The following PRKACB variants were observed in gnomAD, a reference collection of about 807,000 sequenced individuals.
PRKACB encodes protein kinase cAMP-activated catalytic subunit beta.
Under a neutral mutation model 51.4 loss-of-function variants are expected in PRKACB, and 16 were observed. The ratio of observed to expected loss-of-function variants is 0.31; its 90% CI spans 0.21 to 0.47. The LOEUF (loss-of-function observed/expected upper bound fraction) is 0.47. PRKACB is among the 20% of genes least tolerant of loss of function. The pLI is 1.00. For synonymous variants in PRKACB, 147 were observed against 154.4 expected, an observed-to-expected ratio of 0.95 and a Z score of 0.35; for missense variants, 309 against 464.5, an observed-to-expected ratio of 0.67 and a Z score of 3.08.
At chr1:84,162,599 G>A (rs571864461) in intron 1 of PRKACB, among the ~76,000 whole-genome samples, 1 of 151,776 alleles carries the variant, frequency 6.6e-6, no homozygotes, top group Admixed American at 6.6e-5. Context: ...TAAAATTTTG[G>A]TTATTATACT....
chr1:84,185,031 G>A (rs1664685604), intron 4 of PRKACB, 69 bp from the exon 5 acceptor site: 3 of 895,016 alleles, frequency 3.4e-6, no homozygotes, highest in Admixed American at 2.8e-5. Context: ...TTCTAATTCA[G>A]CATTATATAA....
rs541219806 is a variant in PRKACB, at chr1:84,090,406, G to A, written c.46+12035G>A. On this transcript the variant is annotated intron_variant, in intron 1 of 8. Transcript: ENST00000370688. ...CCATCATGCAGGACTCCTAAATTTA[G>A]CAGCTTAAAGAGTGACAACATTTAT... 3.3e-5 allele frequency among the ~76,000 whole-genome samples: 5 copies of A among 152,238 alleles called. No homozygotes were observed. The East Asian group carries it at 9.6e-4, about 29-fold the overall frequency.
At chr1:84,082,592 T>G (rs1185497178) in intron 1 of PRKACB, among the ~76,000 whole-genome samples, 3 of 152,200 alleles carry the variant, frequency 2.0e-5, no homozygotes, top group African/African-American at 7.2e-5. Context: ...ATTACCATTT[T>G]AAAAGTATTG....
chr1:84,235,155 A>G (rs185089493), intron 9 of PRKACB, 25 bp from the exon 10 acceptor site: 1 of 1,567,974 alleles, frequency 6.4e-7, no homozygotes, highest in African/African-American at 1.4e-5. Context: ...CCTTTTTCTT[A>G]TTTTTCTCTC....
intron 8 of PRKACB, chr1:84,204,735 T>C (rs1429432852): frequency 4.5e-6 from 4 of 887,038 alleles, no homozygotes; most frequent in Middle Eastern, 4.4e-4. Context: ...CTTGAATCTT[T>C]ACTATATTAC....
chr1:84,190,897 T>C (rs1316955042), intron 5 of PRKACB, among the ~76,000 whole-genome samples: 1 of 152,106 alleles, frequency 6.6e-6, no homozygotes, highest in Non-Finnish European at 1.5e-5. Flanking sequence ...TCTTTCTCCA[T>C]CCCTTTACTT....
At chr1:84,231,728 T>C (rs955748783) in intron 9 of PRKACB, among the ~76,000 whole-genome samples, 1 of 152,110 alleles carries the variant, frequency 6.6e-6, no homozygotes, top group African/African-American at 2.4e-5. Context: ...TGTAGTATTC[T>C]CTGATGGTAG....
chr1:84,129,789 G>T (rs1314131999), intron 1 of PRKACB, among the ~76,000 whole-genome samples: 1 of 152,148 alleles, frequency 6.6e-6, no homozygotes, highest in African/African-American at 2.4e-5. Flanking sequence ...CAGGAAGATT[G>T]GAAAGGGAAA....
chr1:84,175,147 A>G (rs935636423), intron 1 of PRKACB: 4 of 1,166,584 alleles, frequency 3.4e-6, no homozygotes, highest in Non-Finnish European at 4.5e-6. Flanking sequence ...AAAGTTATAT[A>G]TTTTTAAGTA....
intron 1 of PRKACB, among the ~76,000 whole-genome samples, chr1:84,127,997 CTTTTTTTTTCT>C (rs1447240127): frequency 7.8e-6 from 1 of 128,894 alleles, no homozygotes; most frequent in Non-Finnish European, 1.6e-5. Context: ...TATTTCTTTT[CTTTTTTTTTCT>C]TTTTTTTTTT....
intron 7 of PRKACB, among the ~76,000 whole-genome samples, chr1:84,199,132 T>C (rs12756529): frequency 0.46 from 67,375 of 147,128 alleles, 16,569 homozygotes; most frequent in Non-Finnish European, 0.56. Flanking sequence ...TATATATATA[T>C]ACACACACAT....
At position 84,237,764 on chromosome 1, in the gene PRKACB, T is replaced by C. The variant is rs1373853042; in HGVS notation, c.*2459T>C. The C allele has an allele frequency of 6.6e-6, 1 of 152,192 alleles. No individual in the cohort carries two copies. Among genetic ancestry groups the C allele is most frequent in the African/African-American group, 2.4e-5 (1 of 41,466 alleles). 9.4% of individuals were successfully genotyped at this position (152,192 alleles called of 1,614,324 possible). The stretch of plus-strand genomic sequence containing the variant: ...ATTTGAAACAGAAGATATTATGTTA[T>C]GCTCAGTAAATAATTAAGAGATGGC... On this transcript the variant is annotated 3_prime_UTR_variant, in exon 10 of 10. Transcript: ENST00000370685.
intron 1 of PRKACB, among the ~76,000 whole-genome samples, chr1:84,110,220 A>G (rs986551036): frequency 1.3e-5 from 2 of 151,986 alleles, no homozygotes; most frequent in African/African-American, 4.8e-5. Context: ...ATACAACAAT[A>G]TGAAATAATA....
At chr1:84,130,528 C>A (rs1223780194) in intron 1 of PRKACB, among the ~76,000 whole-genome samples, 3 of 152,050 alleles carry the variant, frequency 2.0e-5, no homozygotes, top group African/African-American at 4.8e-5. Flanking sequence ...ATCTGTAAAA[C>A]AATATAAAAA....
At position 84,235,428 on chromosome 1, in the gene PRKACB, G is replaced by A. The variant is rs552754264; in HGVS notation, c.*123G>A. 1.8e-5 allele frequency: 23 copies of A among 1,299,248 alleles called. 1 individual carries two copies. The African/African-American group carries it at 3.1e-4, about 18-fold the overall frequency. 80.5% of individuals were successfully genotyped at this position (1,299,248 alleles called of 1,614,324 possible). ...TTCCTTCATTCCAACGACTGAGTGA[G>A]GTCTTTATTGCCATCATCCCGTGTG... On this transcript the variant is annotated 3_prime_UTR_variant, in exon 10 of 10. Coordinates refer to ENST00000370685, the MANE Select transcript of PRKACB (RefSeq NM_182948.4).
At chr1:84,190,492 G>A (rs1200074946) in intron 5 of PRKACB, among the ~76,000 whole-genome samples, 3 of 149,148 alleles carry the variant, frequency 2.0e-5, no homozygotes, top group African/African-American at 7.4e-5. Context: ...ACCTAAATAA[G>A]AACTTAAAGT....
At position 84,236,341 on chromosome 1, in the gene PRKACB, A is replaced by G. The variant is rs2101739309; in HGVS notation, c.*1036A>G. ...TTGGAAACAATATAGAGGTATTCATATTTAAATGAGGGTTTACATTTGTTT... is the reference window on the plus strand; with the variant it reads ...TTGGAAACAATATAGAGGTATTCATGTTTAAATGAGGGTTTACATTTGTTT... On this transcript the variant is annotated 3_prime_UTR_variant, in exon 10 of 10. Transcript: ENST00000370685. 6.5e-6 allele frequency: 1 copy of G among 152,738 alleles called. No individual in the cohort carries two copies. The highest frequency in any genetic ancestry group is 2.1e-4 in the South Asian group (1 of 4,830). 9.5% of individuals were successfully genotyped at this position (152,738 alleles called of 1,614,324 possible). A position where few individuals can be genotyped will look rare whatever the true frequency, so the allele number is the denominator to read the frequency against.
chr1:84,138,207 C>T (rs756845737), intron 1 of PRKACB, among the ~76,000 whole-genome samples: 1 of 152,072 alleles, frequency 6.6e-6, no homozygotes, highest in Non-Finnish European at 1.5e-5. Flanking sequence ...AGGATGTGCT[C>T]AAACACATAC....
At chr1:84,112,225 CTTT>C (rs905575496) in intron 1 of PRKACB, among the ~76,000 whole-genome samples, 2 of 120,030 alleles carry the variant, frequency 1.7e-5, no homozygotes. Flanking sequence ...TGGACTGCTT[CTTT>C]TTTTTTTTTT....
Sources: allele counts gnomAD v4.1 joint callset (sites outside exome capture counted in the v4.1 genomes callset), GRCh38; gene constraint gnomAD v4.1.1; transcripts MANE v1.5; gene names NCBI Gene and HGNC (gene_info 2026-07-23, HGNC 2026-07-21).